MYH14: variants seen among roughly 807,000 people sequenced by gnomAD.
MYH14 encodes the protein myosin heavy chain 14.
A neutral mutation model predicts 255.5 loss-of-function variants in MYH14; 123 were observed. The observed-to-expected ratio is 0.48, with a 90% CI of 0.42 to 0.56. MYH14 has a LOEUF of 0.56. Among genes scored for constraint, MYH14 ranks in the 20% least tolerant of loss-of-function variants. The pLI is 0.00. For synonymous variants in MYH14, 1,095 were observed against 1,161.2 expected, an observed-to-expected ratio of 0.94 and a Z score of 1.16; for missense variants, 2,423 against 2,802.3, an observed-to-expected ratio of 0.86 and a Z score of 3.06.
intron 11 of MYH14, among the ~76,000 whole-genome samples, chr19:50,245,125 G>A (rs560482111): frequency 1.5e-3 from 227 of 152,164 alleles, no homozygotes; most frequent in Non-Finnish European, 2.7e-3. Context: ...TGACAGAAAA[G>A]TAGAAAGGAA....
At position 50,293,155 on chromosome 19, in the gene MYH14, G is replaced by A; in HGVS notation, c.5257-78G>A. ...AAAAAAGCCAAGAGCCTTGAGGTGT[G>A]AGGGACAGAGAAAGGGGTGAGACCC... On this transcript the variant is annotated intron_variant, in intron 37 of 42. Coordinates refer to ENST00000642316, the MANE Select transcript of MYH14 (RefSeq NM_001145809.2). The surrounding 1 kb of genome is among the most constrained non-coding windows in gnomAD (Gnocchi z 4.1). The A allele has an allele frequency of 9.8e-7, 1 of 1,019,806 alleles. No homozygotes were observed. Among genetic ancestry groups the A allele is most frequent in the Non-Finnish European group, 1.5e-6 (1 of 661,332 alleles). 63.2% of individuals were successfully genotyped at this position (1,019,806 alleles called of 1,614,324 possible).
intron 10 of MYH14, among the ~76,000 whole-genome samples, chr19:50,241,540 T>C (rs1228270225): frequency 6.6e-6 from 1 of 152,072 alleles, no homozygotes; most frequent in Non-Finnish European, 1.5e-5. Context: ...GGGGAGAGTG[T>C]TCTGAAAAGG....
At chr19:50,306,900 G>A (rs1365258884) in intron 40 of MYH14, 149 bp from the exon 41 acceptor site, 3 of 645,966 alleles carry the variant, frequency 4.6e-6, no homozygotes, top group African/African-American at 3.6e-5. Flanking sequence ...TCAGTGTTTG[G>A]CCTCAGTAAA....
At chr19:50,268,525 C>T (rs769108477) in intron 24 of MYH14, among the ~76,000 whole-genome samples, 158 bp downstream of exon 24, 13 of 152,336 alleles carry the variant, frequency 8.5e-5, no homozygotes, top group African/African-American at 1.2e-4. Flanking sequence ...ATTCAGATCG[C>T]GGGAGACCTT....
chr19:50,235,429 C>T (rs552685336), intron 10 of MYH14, among the ~76,000 whole-genome samples: 14 of 151,108 alleles, frequency 9.3e-5, no homozygotes, highest in African/African-American at 3.4e-4. Context: ...CCACTAGAGA[C>T]CCCCCTGGAC....
intron 19 of MYH14, among the ~76,000 whole-genome samples, chr19:50,260,438 A>C (rs566187634): frequency 6.6e-6 from 1 of 152,088 alleles, no homozygotes; most frequent in South Asian, 2.1e-4. Context: ...AAACAAACAA[A>C]ACAAAAAACT....
intron 29 of MYH14, 105 bp downstream of exon 29, chr19:50,277,006 C>T (rs1407268217): frequency 1.2e-6 from 1 of 802,996 alleles, no homozygotes; most frequent in East Asian, 2.7e-5. Context: ...GCTCATCTCC[C>T]TGGGCCCCTT....
intron 8 of MYH14, among the ~76,000 whole-genome samples, chr19:50,228,273 G>A (rs567516618): frequency 4.1e-5 from 6 of 146,548 alleles, no homozygotes; most frequent in East Asian, 4.0e-4. Context: ...GTGACAGAGC[G>A]AGACTCTGTG....
At chr19:50,271,294 T>A in intron 24 of MYH14, 115 bp from the exon 25 acceptor site, 1 of 1,092,598 alleles carries the variant, frequency 9.2e-7, no homozygotes. Flanking sequence ...GGCATGGACA[T>A]CTCTGAACCA....
intron 22 of MYH14, 24 bp downstream of exon 22, chr19:50,263,444 C>T (rs779904606): frequency 1.3e-6 from 2 of 1,549,076 alleles, no homozygotes; most frequent in East Asian, 2.4e-5. Flanking sequence ...GGGGAGGTGG[C>T]CCCAGTAGGG....
chr19:50,286,746 C>T, intron 34 of MYH14, 52 bp downstream of exon 34: 2 of 1,465,570 alleles, frequency 1.4e-6, no homozygotes, highest in Non-Finnish European at 1.9e-6. Flanking sequence ...GAGACACGTA[C>T]ATGCATGTAT....
At position 50,281,741 on chromosome 19, in the gene MYH14, C is replaced by G. The variant is rs867601827; in HGVS notation, c.4438C>G (p.Arg1480Gly). Residue 1480 changes from arginine (R) to glycine (G), a missense_variant, in exon 33 of 43, where the codon CGC becomes GGC. Around this residue, in one of 3 missense-constraint regions of MYH14, gnomAD observed 1,513 missense variants for 1,674.8 expected, o/e 0.90. Transcript: ENST00000642316. ...TETVDRLERG[R>G]RRLQQELDDA... ...GACCGTGGATCGGCTGGAGCGGGGC[C>G]GCCGCCGGCTGCAGCAGGAGCTGGA... 9 of 1,611,828 alleles carry G rather than the reference C, an allele frequency of 5.6e-6. No homozygotes were observed. The highest frequency in any genetic ancestry group is 5.9e-6 in the Non-Finnish European group (7 of 1,179,576).
At chr19:50,285,636 C>A (rs182100296) in intron 33 of MYH14, 2 of 152,258 alleles carry the variant, frequency 1.3e-5, no homozygotes. Flanking sequence ...ATTGGATTTT[C>A]TACATAGATG....
intron 24 of MYH14, among the ~76,000 whole-genome samples, chr19:50,269,510 TC>T (rs1283694393): frequency 6.6e-6 from 1 of 152,116 alleles, no homozygotes; most frequent in Non-Finnish European, 1.5e-5. Context: ...CTTCTCTTGA[TC>T]CCTTTGGTGA....
chr19:50,267,481 G>A (rs1421618248), intron 23 of MYH14, among the ~76,000 whole-genome samples: 1 of 152,018 alleles, frequency 6.6e-6, no homozygotes, highest in South Asian at 2.1e-4. Context: ...GTGAAACCCC[G>A]TCTCTACTAA....
In MYH14 at chr19:50,210,716, C is replaced by T. The variant is rs755596399; in HGVS notation, c.351C>T (p.Asn117=). 4.4e-6 allele frequency: 7 copies of T among 1,578,158 alleles called. No individual in the cohort carries two copies. The highest frequency in any genetic ancestry group is 3.5e-5 in the South Asian group (3 of 86,152). The change falls in exon 2 of 43, where the codon AAC becomes AAT. Residue 117 remains asparagine, a synonymous_variant. Transcript: ENST00000642316. The stretch of plus-strand genomic sequence containing the variant: ...ACATGGCCGAGCTGACCTGCCTCAA[C>T]GAGGCCTCGGTCCTGCACAACCTCC... ...AEDMAELTCL[N]EASVLHNLRE...
intron 34 of MYH14, among the ~76,000 whole-genome samples, chr19:50,287,274 C>G (rs1018252159): frequency 6.6e-6 from 1 of 152,262 alleles, no homozygotes; most frequent in African/African-American, 2.4e-5. Flanking sequence ...TGTAGACATT[C>G]ACAGAACGTG....
At position 50,230,602 on chromosome 19, in the gene MYH14, G is replaced by T; in HGVS notation, c.952G>T (p.Gly318Cys). The change falls in exon 9 of 43, where the codon GGC (glycine) becomes TGC (cysteine). Residue 318 changes from glycine (G) to cysteine (C), a missense_variant. This residue lies in a region of MYH14 where 672 missense variants were observed against 881.8 expected (regional missense o/e 0.76). Transcript: ENST00000642316. The surrounding 1 kb of genome is among the most constrained non-coding windows in gnomAD (Gnocchi z 4.7). ...SFHIFYQLLG[G>C]AGEQLKADLL... ...CCACATCTTCTACCAGCTGCTGGGG[G>T]GCGCTGGAGAGCAGCTCAAAGGTCA... 1.3e-6 allele frequency: 2 copies of T among 1,566,006 alleles called. No homozygotes were observed. The highest frequency in any genetic ancestry group is 1.7e-6 in the Non-Finnish European group (2 of 1,155,738).
chr19:50,232,766 C>T (rs2033469248), intron 10 of MYH14, among the ~76,000 whole-genome samples: 2 of 151,910 alleles, frequency 1.3e-5, no homozygotes, highest in African/African-American at 4.8e-5. Flanking sequence ...GGGGGAAGAG[C>T]ATTCCTGGCA....
Sources: gnomAD v4.1 joint callset for allele counts (sites outside exome capture counted in the v4.1 genomes callset) on GRCh38, gnomAD v4.1.1 for gene constraint, gnomAD v4.1.1 regional missense constraint, Gnocchi (gnomAD v3.1) non-coding constraint, MANE v1.5 for transcripts, NCBI Gene and HGNC (gene_info 2026-07-23, HGNC 2026-07-21) for gene names.